Variants in SLC35F1 observed in about 807,000 individuals in gnomAD.
The protein encoded by SLC35F1 is chromosome 6 open reading frame 169.
A neutral mutation model predicts 48.7 loss-of-function variants in SLC35F1; 14 were observed. The ratio of observed to expected loss-of-function variants is 0.29; its 90% CI spans 0.19 to 0.45. The LOEUF is 0.45. Ranked by LOEUF, SLC35F1 falls within the 20% of genes least tolerant of loss-of-function variation. The probability of loss-of-function intolerance (pLI) is 1.00; values close to 1 mark genes in which losing one functional copy is unlikely to be tolerated. For synonymous variants in SLC35F1, 190 were observed against 202.2 expected, an observed-to-expected ratio of 0.94 and a Z score of 0.51; for missense variants, 404 against 500.0, an observed-to-expected ratio of 0.81 and a Z score of 1.83.
chr6:117,956,802 G>A (rs116697839), intron 1 of SLC35F1, among the ~76,000 whole-genome samples: 1,848 of 152,278 alleles, frequency 0.012, 33 homozygotes, highest in African/African-American at 0.039. Context: ...TAATATTTAG[G>A]CAAATATCCA....
intron 2 of SLC35F1, among the ~76,000 whole-genome samples, chr6:118,226,741 A>C (rs1009676240): frequency 2.0e-5 from 3 of 152,202 alleles, no homozygotes; most frequent in Non-Finnish European, 4.4e-5. Context: ...AGGTGAGGTT[A>C]ATTAATGGGT....
intron 1 of SLC35F1, among the ~76,000 whole-genome samples, chr6:118,016,921 A>C (rs938394512): frequency 3.9e-5 from 6 of 152,212 alleles, no homozygotes; most frequent in African/African-American, 1.2e-4. Context: ...CAATAACAAA[A>C]AATCCTCTTG....
At chr6:118,213,523 T>C (rs930258326) in intron 2 of SLC35F1, among the ~76,000 whole-genome samples, 9 of 152,224 alleles carry the variant, frequency 5.9e-5, no homozygotes, top group African/African-American at 1.9e-4. Flanking sequence ...CCCAGAGACA[T>C]GTTTATTGTA....
chr6:118,210,727 C>G (rs1774991488), intron 2 of SLC35F1, among the ~76,000 whole-genome samples: 1 of 152,172 alleles, frequency 6.6e-6, no homozygotes, highest in Admixed American at 6.5e-5. Context: ...CCTGTTGTGT[C>G]TCCTTGACTC....
chr6:118,277,618 G>A lies in SLC35F1; in HGVS notation c.847+72G>A, dbSNP rs1775933933. 5 of 1,356,888 alleles carry A rather than the reference G, an allele frequency of 3.7e-6. No individual in the cohort carries two copies. The East Asian group carries it at 1.1e-4, about 31-fold the overall frequency. 84.1% of individuals were successfully genotyped at this position (1,356,888 alleles called of 1,614,324 possible). A position where few individuals can be genotyped will look rare whatever the true frequency, so the allele number is the denominator to read the frequency against. ...TGTGTTTGAAGAATGATGTGGGTCG[G>A]GTGGAGCACAAACAAGGAGGGGATT... On this transcript the variant is annotated intron_variant, in intron 6 of 7. Coordinates refer to ENST00000360388, the MANE Select transcript of SLC35F1 (RefSeq NM_001029858.4).
rs541746642 is a variant in SLC35F1 at position 118,161,295 on chromosome 6, G to A, written c.349+6675G>A. ...GCAGTTTTCTTTAATGCTTCCCATA[G>A]GCAGTCAAAAAAAAAAAAAGCAGTG... On this transcript the variant is annotated intron_variant, in intron 2 of 7. Transcript: ENST00000360388. 2.6e-5 allele frequency among the ~76,000 whole-genome samples: 4 copies of A among 150,974 alleles called. No individual in the cohort carries two copies. The South Asian group carries it at 8.4e-4, about 32-fold the overall frequency.
intron 2 of SLC35F1, among the ~76,000 whole-genome samples, chr6:118,167,995 C>A (rs1562312886): frequency 6.6e-6 from 1 of 152,184 alleles, no homozygotes; most frequent in African/African-American, 2.4e-5. Context: ...TTCATTATAA[C>A]CGCTAGAATC....
intron 1 of SLC35F1, among the ~76,000 whole-genome samples, chr6:118,010,984 G>A (rs1331794365): frequency 6.6e-6 from 1 of 152,084 alleles, no homozygotes; most frequent in Non-Finnish European, 1.5e-5. Flanking sequence ...GACATTTTTG[G>A]TTGTTAGAGC....
intron 2 of SLC35F1, among the ~76,000 whole-genome samples, chr6:118,225,129 G>T (rs1775198634): frequency 6.6e-6 from 1 of 152,122 alleles, no homozygotes; most frequent in Non-Finnish European, 1.5e-5. Context: ...CAATGTAATT[G>T]CTATCAAAGT....
At chr6:118,115,948 C>T (rs898282309) in intron 1 of SLC35F1, among the ~76,000 whole-genome samples, 1 of 152,162 alleles carries the variant, frequency 6.6e-6, no homozygotes, top group Non-Finnish European at 1.5e-5. Context: ...AACTTCCCTT[C>T]AATATGTGTT....
At chr6:118,268,431 A>G (rs1440320861) in intron 4 of SLC35F1, among the ~76,000 whole-genome samples, 2 of 151,918 alleles carry the variant, frequency 1.3e-5, no homozygotes, top group African/African-American at 4.8e-5. Context: ...TCTATGAAAC[A>G]CTGGTTCCAT....
chr6:118,271,254 G>A (rs1775848443), intron 4 of SLC35F1, among the ~76,000 whole-genome samples: 2 of 152,146 alleles, frequency 1.3e-5, no homozygotes, highest in African/African-American at 2.4e-5. Context: ...TAAGCAATAT[G>A]TTTAAGGGCA....
At chr6:118,187,237 G>T (rs151234744) in intron 2 of SLC35F1, among the ~76,000 whole-genome samples, 106 of 152,244 alleles carry the variant, frequency 7.0e-4, no homozygotes, top group African/African-American at 2.5e-3. Context: ...TGCTGAAATT[G>T]CTTCTCTGTC....
At chr6:118,156,357 G>A (rs1041135895) in intron 2 of SLC35F1, among the ~76,000 whole-genome samples, 7 of 152,070 alleles carry the variant, frequency 4.6e-5, no homozygotes, top group African/African-American at 1.7e-4. Flanking sequence ...AGGTGGTCGG[G>A]GTGCAGCTTG....
At chr6:117,926,993 A>T (rs1776036674) in intron 1 of SLC35F1, among the ~76,000 whole-genome samples, 1 of 152,144 alleles carries the variant, frequency 6.6e-6, no homozygotes, top group Non-Finnish European at 1.5e-5. Context: ...ATGTGAATTG[A>T]GTTTGATGCT....
chr6:117,966,414 C>T (rs947202422), intron 1 of SLC35F1, among the ~76,000 whole-genome samples: 1 of 151,888 alleles, frequency 6.6e-6, no homozygotes, highest in Non-Finnish European at 1.5e-5. Flanking sequence ...AGCTTCACTC[C>T]TGAAGACCAC....
At chr6:117,995,565 AC>A (rs1171287825) in intron 1 of SLC35F1, among the ~76,000 whole-genome samples, 1 of 152,056 alleles carries the variant, frequency 6.6e-6, no homozygotes, top group South Asian at 2.1e-4. Flanking sequence ...ACATGGTGAA[AC>A]CCCGTCTCTA....
intron 7 of SLC35F1, among the ~76,000 whole-genome samples, chr6:118,290,208 G>GTT (rs140936569): frequency 2.7e-5 from 4 of 146,072 alleles, no homozygotes; most frequent in Non-Finnish European, 3.0e-5. Context: ...ATATTTCAGT[G>GTT]TTTTTTTTTT....
At chr6:118,260,687 C>T (rs1199292415) in intron 3 of SLC35F1, among the ~76,000 whole-genome samples, 1 of 152,164 alleles carries the variant, frequency 6.6e-6, no homozygotes, top group African/African-American at 2.4e-5. Context: ...CCTTCACTGT[C>T]TCCACTCAAA....
Sources: allele counts gnomAD v4.1 joint callset (sites outside exome capture counted in the v4.1 genomes callset), GRCh38; gene constraint gnomAD v4.1.1; transcripts MANE v1.5; gene names NCBI Gene and HGNC (gene_info 2026-07-23, HGNC 2026-07-21).